Variants in TNRC6A observed in about 807,000 individuals in gnomAD.
The protein encoded by TNRC6A is trinucleotide repeat-containing gene 6A protein.
A neutral mutation model predicts 221.2 loss-of-function variants in TNRC6A; 44 were observed. That is an observed-to-expected ratio of 0.20 (90% CI 0.16 to 0.26). The LOEUF (loss-of-function observed/expected upper bound fraction) is 0.26, where lower values mean the gene tolerates loss of function less well. Among genes scored for constraint, TNRC6A ranks in the 10% least tolerant of loss-of-function variants. TNRC6A has a pLI of 1.00. For missense variants in TNRC6A, 2,199 were observed against 2,404.4 expected (o/e 0.91, Z 1.79); for synonymous variants, 847 against 838.5 (o/e 1.01, Z -0.18).
chr16:24,614,224 G>T (rs1337573235), intron 1 of TNRC6A, among the ~76,000 whole-genome samples: 3 of 152,230 alleles, frequency 2.0e-5, no homozygotes. Context: ...CAAGAGAAGG[G>T]AAGCCCCAGT....
At chr16:24,637,005 C>G (rs1350844276) in intron 1 of TNRC6A, among the ~76,000 whole-genome samples, 1 of 152,002 alleles carries the variant, frequency 6.6e-6, no homozygotes, top group Non-Finnish European at 1.5e-5. Flanking sequence ...TGCTAAATGA[C>G]ACTTTGTTGC....
intron 2 of TNRC6A, among the ~76,000 whole-genome samples, chr16:24,654,051 T>C (rs1474947528): frequency 1.3e-5 from 2 of 152,126 alleles, no homozygotes; most frequent in African/African-American, 4.8e-5. Context: ...ACCACAGGCA[T>C]AGCCACCACA....
intron 5 of TNRC6A, among the ~76,000 whole-genome samples, chr16:24,780,396 A>G (rs903968459): frequency 6.6e-6 from 1 of 152,232 alleles, no homozygotes; most frequent in African/African-American, 2.4e-5. Flanking sequence ...ATAGTCTCCT[A>G]TACAACCACA....
chr16:24,646,959 C>T (rs966054100), intron 2 of TNRC6A, among the ~76,000 whole-genome samples: 2 of 151,754 alleles, frequency 1.3e-5, no homozygotes, highest in African/African-American at 4.8e-5. Flanking sequence ...GACAGAGTTT[C>T]CCTCTATTTC....
chr16:24,755,030 C>T (rs950210287), intron 3 of TNRC6A, among the ~76,000 whole-genome samples: 13 of 152,144 alleles, frequency 8.5e-5, no homozygotes, highest in African/African-American at 2.9e-4. Context: ...GGTAACATGA[C>T]CAGGCCTGAG....
chr16:24,819,684 G>A (rs1161594096), intron 21 of TNRC6A: 2 of 208,236 alleles, frequency 9.6e-6, no homozygotes, highest in African/African-American at 4.7e-5. Context: ...TCAGCACAGA[G>A]AGGCAGGCAC....
Position 24,794,716 on chromosome 16 carries a change from G to C in TNRC6A, c.3525G>C (p.Ser1175=), listed in dbSNP as rs762543670. The part of the protein sequence containing the change: ...NWPPYTKKMS[S]KGLSGKKRRR... ...CACCATATACAAAGAAAATGTCATCGAAGGTAAACATTTCAAGGGCAAAGC... is the reference window on the plus strand; with the variant it reads ...CACCATATACAAAGAAAATGTCATCCAAGGTAAACATTTCAAGGGCAAAGC... The change falls in exon 8 of 25, where the codon TCG becomes TCC. Residue 1175 remains serine, a synonymous_variant. Transcript: ENST00000395799. 6.2e-7 allele frequency: 1 copy of C among 1,606,696 alleles called. No individual in the cohort carries two copies.
chr16:24,649,641 A>G (rs1457869618), intron 2 of TNRC6A, among the ~76,000 whole-genome samples: 1 of 151,920 alleles, frequency 6.6e-6, no homozygotes, highest in African/African-American at 2.4e-5. Context: ...TGTGGTAAGA[A>G]CACTTAATAT....
Position 24,729,851 on chromosome 16 carries a change from G to C in TNRC6A, c.5+5G>C. On this transcript the variant is annotated splice_donor_5th_base_variant and intron_variant, in intron 1 of 24. Coordinates refer to ENST00000395799, the MANE Select transcript of TNRC6A (RefSeq NM_014494.4). ...CGTGCACTTTACACACATGAGGTGA[G>C]CGGAACAAGGGCCTCCCTCCGGGCG... The C allele has an allele frequency of 3.7e-6, 5 of 1,363,642 alleles. No homozygotes were observed. The highest frequency in any genetic ancestry group is 4.8e-6 in the Non-Finnish European group (5 of 1,048,758). 84.5% of individuals were successfully genotyped at this position (1,363,642 alleles called of 1,614,324 possible). A position where few individuals can be genotyped will look rare whatever the true frequency, so the allele number is the denominator to read the frequency against.
chr16:24,672,051 C>T (rs1486848365), intron 2 of TNRC6A, among the ~76,000 whole-genome samples: 1 of 152,152 alleles, frequency 6.6e-6, no homozygotes, highest in African/African-American at 2.4e-5. Context: ...GTTAGGAAAT[C>T]ATTTTTAATT....
chr16:24,657,073 G>A (rs1475479088), intron 2 of TNRC6A, among the ~76,000 whole-genome samples: 1 of 151,892 alleles, frequency 6.6e-6, no homozygotes, highest in Admixed American at 6.6e-5. Context: ...AGCACTTTGG[G>A]AGGCCAAGGC....
chr16:24,768,518 T>C (rs1372274750), intron 4 of TNRC6A, among the ~76,000 whole-genome samples: 2 of 152,156 alleles, frequency 1.3e-5, no homozygotes, highest in Admixed American at 1.3e-4. Flanking sequence ...AGAATAACAT[T>C]TTCTAACTGA....
chr16:24,805,093 T>C lies in TNRC6A; in HGVS notation c.4064T>C (p.Leu1355Pro), dbSNP rs1160340311. ...ATGCAGCAGCCTCCAGCACAACCTC[T>C]TAGTTCATCTCAGCCTAATCTCCGT... ...RGMQQPPAQPLSSSQPNLRAQ... is the reference protein window; with the variant it reads ...RGMQQPPAQPPSSSQPNLRAQ... Residue 1355 changes from leucine to proline, a missense_variant, in exon 14 of 25, where the codon CTT becomes CCT. Physicochemically the swap from Leu to Pro is moderately conservative, Grantham distance 98 (BLOSUM62 -3). This residue lies in a region of TNRC6A where 449 missense variants were observed against 579.7 expected (regional missense o/e 0.77). Transcript: ENST00000395799. 6.2e-7 allele frequency: 1 copy of C among 1,614,200 alleles called. No individual in the cohort carries two copies. The highest frequency in any genetic ancestry group is 2.2e-5 in the East Asian group (1 of 44,884).
intron 2 of TNRC6A, among the ~76,000 whole-genome samples, chr16:24,681,108 G>A (rs2055525175): frequency 6.6e-6 from 1 of 151,898 alleles, no homozygotes; most frequent in South Asian, 2.1e-4. Context: ...AAAAGTCCAT[G>A]TTAGCCCCAT....
intron 2 of TNRC6A, among the ~76,000 whole-genome samples, chr16:24,669,941 C>CTTTTTTTTTTGTTTTTTTTTTT (rs2055257070): frequency 3.7e-5 from 1 of 27,162 alleles, no homozygotes; most frequent in Non-Finnish European, 6.6e-5. Flanking sequence ...GAGGCAGCTA[C>CTTTTTTTTTTGTTTTTTTTTTT]TTTTTTTTTT....
chr16:24,695,174 C>G (rs2055832866), intron 2 of TNRC6A, among the ~76,000 whole-genome samples: 1 of 152,146 alleles, frequency 6.6e-6, no homozygotes, highest in Non-Finnish European at 1.5e-5. Flanking sequence ...TCCTCCTCTT[C>G]TAGCTGAAGA....
chr16:24,822,970 A>G lies in TNRC6A; in HGVS notation c.5470A>G (p.Ser1824Gly). Residue 1824 changes from serine to glycine, a missense_variant, in exon 24 of 25, where the codon AGT becomes GGT. By Grantham distance (56) the Ser-to-Gly change is moderately conservative (BLOSUM62 0). Coordinates refer to ENST00000395799, the MANE Select transcript of TNRC6A (RefSeq NM_014494.4). ...TCACGGAAATGCTCTGGTCCGCTAC[A>G]GTTCAAAAGAAGAGGTAGTGAAGGC... ...LPHGNALVRY[S>G]SKEEVVKAQK... The G allele has an allele frequency of 2.5e-6, 4 of 1,614,238 alleles. No homozygotes were observed. The highest frequency in any genetic ancestry group is 3.4e-6 in the Non-Finnish European group (4 of 1,180,040).
intron 3 of TNRC6A, among the ~76,000 whole-genome samples, chr16:24,755,189 C>T (rs1307637187): frequency 6.6e-6 from 1 of 152,200 alleles, no homozygotes; most frequent in Non-Finnish European, 1.5e-5. Flanking sequence ...CATAGGAAAG[C>T]TCTCTGAGCA....
chr16:24,682,304 G>A (rs751359623), intron 2 of TNRC6A, among the ~76,000 whole-genome samples: 1 of 151,238 alleles, frequency 6.6e-6, no homozygotes, highest in Non-Finnish European at 1.5e-5. Flanking sequence ...TCAGCTCACC[G>A]CAGCCTCAAC....
Sources: gnomAD v4.1 joint callset for allele counts (sites outside exome capture counted in the v4.1 genomes callset) on GRCh38, gnomAD v4.1.1 for gene constraint, gnomAD v4.1.1 regional missense constraint, MANE v1.5 for transcripts, NCBI Gene and HGNC (gene_info 2026-07-23, HGNC 2026-07-21) for gene names.